Variants in PCDHA5 observed in about 807,000 individuals in gnomAD.
PCDHA5 encodes the protein protocadherin alpha-5.
Under a neutral mutation model 61.6 loss-of-function variants are expected in PCDHA5, and 43 were observed. The ratio of observed to expected loss-of-function variants is 0.70; its 90% confidence interval spans 0.55 to 0.90. PCDHA5 has a LOEUF of 0.90. Among genes scored for constraint, PCDHA5 ranks in the 40% least tolerant of loss-of-function variants. PCDHA5 has a pLI of 0.00. For synonymous variants in PCDHA5, 627 were observed against 543.9 expected (o/e 1.15, Z -2.13); for missense variants, 1,298 against 1,222.7 (o/e 1.06, Z -0.92).
intron 1 of PCDHA5, 31 bp downstream of exon 1, chr5:140,824,158 C>G: frequency 6.2e-7 from 1 of 1,611,212 alleles, no homozygotes; most frequent in Non-Finnish European, 8.5e-7. Context: ...ATCCATCTTT[C>G]CCTCCCAATT....
chr5:140,825,459 T>C (rs2150074566), intron 1 of PCDHA5: 1 of 149,426 alleles, frequency 6.7e-6, no homozygotes, highest in South Asian at 2.1e-4. Flanking sequence ...TCAGATATTT[T>C]GATACAGAAT....
chr5:140,862,647 C>T (rs2047469341), intron 1 of PCDHA5: 12 of 541,942 alleles, frequency 2.2e-5, no homozygotes, highest in South Asian at 1.7e-4. Context: ...TCACAGTGTC[C>T]GCGCGGGACC....
At chr5:140,967,768 T>C in intron 1 of PCDHA5, 4 of 1,614,182 alleles carry the variant, frequency 2.5e-6, no homozygotes, top group African/African-American at 1.3e-5. Flanking sequence ...ACCAGATCTA[T>C]GTGCAGGCGA....
chr5:140,824,246 A>G (rs1229487680), intron 1 of PCDHA5, 119 bp downstream of exon 1: 1 of 1,453,814 alleles, frequency 6.9e-7, no homozygotes, highest in East Asian at 2.3e-5. Flanking sequence ...ATTGTGGTAC[A>G]CAATTATTGC....
chr5:140,869,302 G>T lies in PCDHA5; in HGVS notation c.2352+45175G>T. ...GCTGGTGCAGCGCCTGTTCCGGGTGGCGTCCAAAACACATGGGGACCTTCT... is the reference window on the plus strand; with the variant it reads ...GCTGGTGCAGCGCCTGTTCCGGGTGTCGTCCAAAACACATGGGGACCTTCT... On this transcript the variant is annotated intron_variant, in intron 1 of 3. Coordinates refer to ENST00000529859, the MANE Select transcript of PCDHA5 (RefSeq NM_018908.3). The T allele has an allele frequency of 6.2e-7, 1 of 1,613,642 alleles. No homozygotes were observed. Among genetic ancestry groups the T allele is most frequent in the Non-Finnish European group, 8.5e-7 (1 of 1,179,984 alleles).
intron 1 of PCDHA5, among the ~76,000 whole-genome samples, chr5:140,831,943 A>G (rs2150198508): frequency 2.0e-5 from 3 of 152,236 alleles, no homozygotes; most frequent in Non-Finnish European, 4.4e-5. Context: ...CCGAAGAGGA[A>G]AAGAAAAACT....
chr5:140,916,864 T>A (rs2077768356), intron 1 of PCDHA5, among the ~76,000 whole-genome samples: 1 of 152,156 alleles, frequency 6.6e-6, no homozygotes, highest in African/African-American at 2.4e-5. Flanking sequence ...AGGAGTTACC[T>A]AGGAATTGCA....
chr5:140,937,560 T>A (rs933672983), intron 1 of PCDHA5, among the ~76,000 whole-genome samples: 1 of 152,060 alleles, frequency 6.6e-6, no homozygotes, highest in Non-Finnish European at 1.5e-5. Flanking sequence ...GAGGTTGCAG[T>A]GAGCTGGGAT....
intron 1 of PCDHA5, among the ~76,000 whole-genome samples, chr5:140,874,852 A>C (rs2153316930): frequency 6.6e-6 from 1 of 152,334 alleles, no homozygotes; most frequent in African/African-American, 2.4e-5. Context: ...GACATATTTT[A>C]GTTTCTTATC....
chr5:140,862,315 C>T, intron 1 of PCDHA5: 1 of 317,364 alleles, frequency 3.2e-6, no homozygotes, highest in Non-Finnish European at 6.2e-6. Context: ...CCGTCATAGC[C>T]CTAATCAGTG....
At chr5:140,877,487 A>C (rs1293347310) in intron 1 of PCDHA5, 1 of 1,613,704 alleles carries the variant, frequency 6.2e-7, no homozygotes, top group African/African-American at 1.3e-5. Context: ...CTGGTGGAGA[A>C]CGGCCAGGCC....
chr5:140,884,135 C>A (rs1554181269), intron 1 of PCDHA5: 1 of 1,613,422 alleles, frequency 6.2e-7, no homozygotes. Context: ...CATCCCGTTC[C>A]GCGTGGGGCT....
chr5:140,966,803 C>G, intron 1 of PCDHA5: 1 of 1,542,484 alleles, frequency 6.5e-7, no homozygotes, highest in Non-Finnish European at 8.7e-7. Context: ...GGCGACAGAG[C>G]ATCCACGGCT....
At chr5:140,937,446 G>A (rs1330877546) in intron 1 of PCDHA5, among the ~76,000 whole-genome samples, 1 of 152,088 alleles carries the variant, frequency 6.6e-6, no homozygotes, top group Non-Finnish European at 1.5e-5. Context: ...TATTTTAAAA[G>A]TTTAATTTTA....
Position 140,993,289 on chromosome 5 carries a change from C to T in PCDHA5, c.2500+10726C>T, listed in dbSNP as rs148346866. Among the ~76,000 whole-genome samples the T allele has an allele frequency of 3.6e-3, 552 of 152,140 alleles. 3 individuals are homozygous for T. The highest frequency in any genetic ancestry group is 0.01 in the Middle Eastern group (3 of 294). On this transcript the variant is annotated intron_variant, in intron 3 of 3. Coordinates refer to ENST00000529859, the MANE Select transcript of PCDHA5 (RefSeq NM_018908.3). ...TCTTTGGTCTTTTCTTGCCCAGGGTCACAACCTTGCCTCCAGGATAATACC... is the reference window on the plus strand; with the variant it reads ...TCTTTGGTCTTTTCTTGCCCAGGGTTACAACCTTGCCTCCAGGATAATACC...
intron 1 of PCDHA5, chr5:140,841,708 C>T: frequency 6.2e-7 from 1 of 1,613,888 alleles, no homozygotes. Context: ...TTAATGACAA[C>T]CCGCCAGTGT....
At chr5:140,885,016 T>C (rs1554181958) in intron 1 of PCDHA5, among the ~76,000 whole-genome samples, 1 of 152,244 alleles carries the variant, frequency 6.6e-6, no homozygotes. Flanking sequence ...CTAATCGTAA[T>C]CTTAAATTTA....
intron 3 of PCDHA5, among the ~76,000 whole-genome samples, chr5:140,990,798 A>G (rs1554251753): frequency 6.6e-6 from 1 of 152,208 alleles, no homozygotes; most frequent in Admixed American, 6.5e-5. Context: ...ACCATGGAAT[A>G]CAGAAGAAGC....
intron 1 of PCDHA5, among the ~76,000 whole-genome samples, chr5:140,894,550 T>C (rs943231588): frequency 3.3e-5 from 5 of 151,996 alleles, no homozygotes; most frequent in Non-Finnish European, 5.9e-5. Context: ...TAGTGTTTAC[T>C]TCTGAAAAAA....
Sources: gnomAD v4.1 joint callset for allele counts (sites outside exome capture counted in the v4.1 genomes callset) on GRCh38, gnomAD v4.1.1 for gene constraint, MANE v1.5 for transcripts, NCBI Gene and HGNC (gene_info 2026-07-23, HGNC 2026-07-21) for gene names.